SULF1: variants seen among roughly 807,000 people sequenced by gnomAD.
SULF1 encodes the protein sulfatase 1, also known as extracellular sulfatase Sulf-1.
SULF1 carries 46 observed loss-of-function variants against 110.5 expected under a neutral mutation model. The ratio of observed to expected loss-of-function variants is 0.42; its 90% CI spans 0.33 to 0.53. The LOEUF (loss-of-function observed/expected upper bound fraction) is 0.53, where lower values mean the gene tolerates loss of function less well. Among genes scored for constraint, SULF1 ranks in the 20% least tolerant of loss-of-function variants. SULF1 has a pLI of 0.12. For missense variants in SULF1, 941 were observed against 1,094.2 expected, an observed-to-expected ratio of 0.86 and a Z score of 1.98; for synonymous variants, 371 against 387.1, an observed-to-expected ratio of 0.96 and a Z score of 0.49.
intron 1 of SULF1, among the ~76,000 whole-genome samples, chr8:69,484,565 T>C (rs1809622994): frequency 6.6e-6 from 1 of 152,220 alleles, no homozygotes; most frequent in Admixed American, 6.5e-5. Flanking sequence ...AAATTTTTAA[T>C]TCTGCCCTTG....
chr8:69,514,933 G>C (rs576647527), intron 3 of SULF1, among the ~76,000 whole-genome samples: 5 of 152,210 alleles, frequency 3.3e-5, no homozygotes, highest in African/African-American at 1.2e-4. Context: ...AAGGCTTTGG[G>C]AAGTTCTGCC....
At chr8:69,519,620 G>A (rs1812157541) in intron 3 of SULF1, among the ~76,000 whole-genome samples, 1 of 152,178 alleles carries the variant, frequency 6.6e-6, no homozygotes, top group Non-Finnish European at 1.5e-5. Context: ...CGTTATTCTA[G>A]AATAAAAAGT....
intron 8 of SULF1, among the ~76,000 whole-genome samples, chr8:69,596,082 C>T (rs1056560452): frequency 6.6e-6 from 1 of 152,120 alleles, no homozygotes; most frequent in African/African-American, 2.4e-5. Context: ...ATCCATGATC[C>T]AGCGCACTGA....
At chr8:69,496,825 G>C (rs554558728) in intron 2 of SULF1, among the ~76,000 whole-genome samples, 4 of 152,316 alleles carry the variant, frequency 2.6e-5, no homozygotes, top group African/African-American at 9.6e-5. Context: ...TTTAAAGAGT[G>C]GATAGTTCGC....
chr8:69,469,859 T>C (rs1348876208), intron 1 of SULF1, among the ~76,000 whole-genome samples: 1 of 152,124 alleles, frequency 6.6e-6, no homozygotes, highest in African/African-American at 2.4e-5. Context: ...CTGGCCAACA[T>C]GGTGAAACCC....
At position 69,603,652 on chromosome 8, in the gene SULF1, A is replaced by C; in HGVS notation, c.1243A>C (p.Arg415=). ...TTGGCGTGATACATTCCTAGTGGAA[A>C]GAGGGTAATTATTGGTTCCTGGGGT... is the stretch of plus-strand genomic sequence containing the variant. ...KIWRDTFLVE[R]GKFLRKKEES... The change falls in exon 12 of 23, where the codon AGA becomes CGA. Residue 415 remains arginine (R), a synonymous_variant. Coordinates refer to ENST00000402687, the MANE Select transcript of SULF1 (RefSeq NM_001128205.2). The C allele has an allele frequency of 6.2e-7, 1 of 1,612,392 alleles. No individual in the cohort carries two copies. The highest frequency in any genetic ancestry group is 8.5e-7 in the Non-Finnish European group (1 of 1,178,386).
intron 3 of SULF1, among the ~76,000 whole-genome samples, chr8:69,523,760 GC>G (rs765974736): frequency 2.2e-4 from 34 of 152,200 alleles, no homozygotes; most frequent in Non-Finnish European, 4.7e-4. Flanking sequence ...GGATTGAAGA[GC>G]CCTGCCTTGT....
At chr8:69,490,938 C>T (rs1031456670), upstream of SULF1, among the ~76,000 whole-genome samples, 1 of 152,190 alleles carries the variant, frequency 6.6e-6, no homozygotes. Context: ...GATGATCCTA[C>T]ACTTGAACTA....
intron 19 of SULF1, among the ~76,000 whole-genome samples, chr8:69,630,241 A>G (rs1810414137): frequency 1.3e-5 from 2 of 152,232 alleles, no homozygotes. Flanking sequence ...ACATTTGTGC[A>G]CTTTTAAAAT....
At chr8:69,477,715 G>A (rs1273398871) in intron 1 of SULF1, among the ~76,000 whole-genome samples, 1 of 152,136 alleles carries the variant, frequency 6.6e-6, no homozygotes, top group Admixed American at 6.6e-5. Context: ...GTGTGATTTT[G>A]AGCAAATTAG....
At chr8:69,633,728 A>G (rs1028911795) in intron 19 of SULF1, among the ~76,000 whole-genome samples, 1 of 151,942 alleles carries the variant, frequency 6.6e-6, no homozygotes, top group Non-Finnish European at 1.5e-5. Flanking sequence ...GTTTTGTTAC[A>G]TAGGAATACA....
chr8:69,571,511 T>C (rs1805230834), intron 5 of SULF1, among the ~76,000 whole-genome samples: 1 of 152,226 alleles, frequency 6.6e-6, no homozygotes, highest in Admixed American at 6.5e-5. Flanking sequence ...CCCTGCCTTG[T>C]GAATCTGATT....
chr8:69,494,739 G>A (rs1343487376), intron 1 of SULF1, among the ~76,000 whole-genome samples: 1 of 152,138 alleles, frequency 6.6e-6, no homozygotes, highest in Non-Finnish European at 1.5e-5. Context: ...AATTAACTGA[G>A]CCTTGTGACA....
intron 22 of SULF1, among the ~76,000 whole-genome samples, chr8:69,658,238 C>G (rs757292097): frequency 2.0e-5 from 3 of 152,194 alleles, no homozygotes; most frequent in Non-Finnish European, 4.4e-5. Context: ...CCCAAATCCC[C>G]TGGCTGAAAG....
intron 13 of SULF1, among the ~76,000 whole-genome samples, chr8:69,617,405 A>T (rs1398726637): frequency 1.4e-5 from 1 of 71,044 alleles, no homozygotes; most frequent in African/African-American, 7.5e-5. Context: ...ATATATATAT[A>T]TATATATATA....
At chr8:69,590,300 T>C (rs1190064359) in intron 8 of SULF1, among the ~76,000 whole-genome samples, 2 of 152,094 alleles carry the variant, frequency 1.3e-5, no homozygotes, top group African/African-American at 4.8e-5. Flanking sequence ...GAGCTGGGAC[T>C]ACAGGCACAC....
chr8:69,652,111 C>T (rs1282582885), intron 22 of SULF1, among the ~76,000 whole-genome samples: 1 of 152,132 alleles, frequency 6.6e-6, no homozygotes, highest in Non-Finnish European at 1.5e-5. Flanking sequence ...CCCCCACCTT[C>T]CTCTGTTTTC....
chr8:69,601,079 C>T (rs2130389716), intron 9 of SULF1, among the ~76,000 whole-genome samples: 1 of 152,286 alleles, frequency 6.6e-6, no homozygotes. Context: ...AAGTTAAGGG[C>T]CCCATCTAAA....
chr8:69,480,071 C>T (rs528560732), intron 1 of SULF1, among the ~76,000 whole-genome samples: 5 of 152,206 alleles, frequency 3.3e-5, no homozygotes, highest in East Asian at 1.9e-4. Flanking sequence ...CACCAAGCAC[C>T]GTTGCTATGG....
Sources: gnomAD v4.1 joint callset for allele counts (sites outside exome capture counted in the v4.1 genomes callset) on GRCh38, gnomAD v4.1.1 for gene constraint, MANE v1.5 for transcripts, NCBI Gene and HGNC (gene_info 2026-07-23, HGNC 2026-07-21) for gene names.